Variants in CDK12 observed in about 807,000 individuals in gnomAD.
CDK12 encodes the protein cyclin-dependent kinase 12.
A neutral mutation model predicts 133.8 loss-of-function variants in CDK12; 17 were observed. The ratio of observed to expected loss-of-function variants is 0.13; its 90% CI spans 0.09 to 0.19. CDK12 has a LOEUF of 0.19. Ranked by LOEUF, CDK12 falls within the 10% of genes least tolerant of loss-of-function variation. The probability of loss-of-function intolerance (pLI) is 1.00; values close to 1 mark genes in which losing one functional copy is unlikely to be tolerated. For missense variants in CDK12, 1,508 were observed against 1,818.7 expected (o/e 0.83, Z 3.11); for synonymous variants, 694 against 683.6 (o/e 1.02, Z -0.24).
downstream of CDK12, among the ~76,000 whole-genome samples, chr17:39,536,816 CTCTAAGTGGGTAGT>C (rs2055154401): frequency 6.6e-6 from 1 of 152,198 alleles, no homozygotes; most frequent in East Asian, 1.9e-4. Context: ...CTTTCATACC[CTCTAAGTGGGTAGT>C]TTGTTAGTGG....
At chr17:39,544,330 G>T, upstream of CDK12, 2 of 489,596 alleles carry the variant, frequency 4.1e-6, no homozygotes, top group South Asian at 1.5e-5. Flanking sequence ...GGCAAATTCA[G>T]TCTCTTTCAC....
At chr17:39,561,554 G>A (rs1446596712) in intron 3 of CDK12, among the ~76,000 whole-genome samples, 1 of 152,206 alleles carries the variant, frequency 6.6e-6, no homozygotes, top group Admixed American at 6.5e-5. Flanking sequence ...GGCACTGGTT[G>A]AAGCTGACAG....
At chr17:39,538,534 G>A (rs1256962629), downstream of CDK12, among the ~76,000 whole-genome samples, 4 of 152,206 alleles carry the variant, frequency 2.6e-5, no homozygotes, top group Admixed American at 6.5e-5. Flanking sequence ...TGTGTCAGGC[G>A]CTGCCTAAGT....
rs2054845464 is a variant in CDK12 at position 39,531,519 on chromosome 17, G to A, written c.*203G>A. On this transcript the variant is annotated 3_prime_UTR_variant, in exon 14 of 14. Coordinates refer to ENST00000447079, the MANE Select transcript of CDK12 (RefSeq NM_016507.4). ...TGTTGGCACCAGTTCCCCCTGGATG[G>A]GCTATAGCCAGAACATTTACTTCAA... 1.6e-5 allele frequency: 7 copies of A among 432,890 alleles called. No individual in the cohort carries two copies. The Admixed American group carries it at 2.3e-4, about 15-fold the overall frequency. 26.8% of individuals were successfully genotyped at this position (432,890 alleles called of 1,614,324 possible).
At chr17:39,562,824 C>G (rs1315478344) in intron 3 of CDK12, among the ~76,000 whole-genome samples, 1 of 151,010 alleles carries the variant, frequency 6.6e-6, no homozygotes, top group Non-Finnish European at 1.5e-5. Context: ...CTCTCAACTT[C>G]AACGCATTTT....
At chr17:39,557,689 T>C (rs1167533248) in intron 3 of CDK12, among the ~76,000 whole-genome samples, 1 of 152,250 alleles carries the variant, frequency 6.6e-6, no homozygotes, top group African/African-American at 2.4e-5. Context: ...TTTTTGTGTC[T>C]ACCTAAGAGG....
chr17:39,490,769 T>A, intron 3 of CDK12, 36 bp downstream of exon 3: 1 of 1,494,176 alleles, frequency 6.7e-7, no homozygotes. Context: ...TCATGATAGT[T>A]TTCTCCCTTC....
At chr17:39,540,856 G>A (rs1419301986) in intron 1 of CDK12, among the ~76,000 whole-genome samples, 1 of 152,202 alleles carries the variant, frequency 6.6e-6, no homozygotes, top group African/African-American at 2.4e-5. Context: ...AGTCCTCTCT[G>A]TTTCAAAAAC....
rs200114122 is a variant in CDK12 at position 39,481,728 on chromosome 17, C to CT, written c.1932-8817dup. Among the ~76,000 whole-genome samples the CT allele has an allele frequency of 2.6e-3, 202 of 78,170 alleles. 32 individuals are homozygous for CT. Among genetic ancestry groups the CT allele is most frequent in the African/African-American group, 6.4e-3 (104 of 16,322 alleles). The allele number at this position is 78,170 out of a possible 152,430, so 51.3% of individuals were successfully genotyped here. On this transcript the variant is annotated intron_variant, in intron 2 of 13. Coordinates refer to ENST00000447079, the MANE Select transcript of CDK12 (RefSeq NM_016507.4). ...TCTCTCTCTTTCTCTTTTCTTTTTT[C>CT]TTTTTTTTTTTTGACAAAGTCTCAT...
At position 39,540,782 on chromosome 17, in the gene CDK12, C is replaced by T. The variant is rs544548369; in HGVS notation, c.451-3467C>T. Among the ~76,000 whole-genome samples the T allele has an allele frequency of 6.6e-5, 10 of 152,116 alleles. No individual in the cohort carries two copies. The East Asian group carries it at 1.5e-3, about 24-fold the overall frequency. The stretch of plus-strand genomic sequence containing the variant: ...GCGGGGGACTCTTTAGTGCGGCAGG[C>T]GGGGGTCTTCCCGAATGAGCCCATT... On this transcript the variant is annotated intron_variant and NMD_transcript_variant, in intron 1 of 4. Coordinates refer to the CDK12 transcript ENST00000559663.
chr17:39,510,273 C>T (rs1403167732), intron 7 of CDK12, among the ~76,000 whole-genome samples: 1 of 151,884 alleles, frequency 6.6e-6, no homozygotes, highest in African/African-American at 2.4e-5. Context: ...GTGCCCGCCA[C>T]TACGCCCAGC....
At chr17:39,516,951 C>T (rs557371327) in intron 9 of CDK12, among the ~76,000 whole-genome samples, 8 of 152,284 alleles carry the variant, frequency 5.3e-5, no homozygotes, top group African/African-American at 1.9e-4. Flanking sequence ...GCGTGAGCCA[C>T]CGTGCCCGGC....
At position 39,501,272 on chromosome 17, in the gene CDK12, G is replaced by A; in HGVS notation, c.2442G>A (p.Glu814=). ...KDKGAFYLVF[E]YMDHDLMGLL... ...TAGGTGCCTTTTACCTTGTATTTGA[G>A]TATATGGACCATGACTTAATGGGAC... is the stretch of plus-strand genomic sequence containing the variant. The change falls in exon 6 of 14, where the codon GAG becomes GAA. Residue 814 remains glutamate (E), a synonymous_variant. Coordinates refer to ENST00000447079, the MANE Select transcript of CDK12 (RefSeq NM_016507.4). 1 of 1,601,240 alleles carries A rather than the reference G, an allele frequency of 6.2e-7. No homozygotes were observed. Among genetic ancestry groups the A allele is most frequent in the Non-Finnish European group, 8.5e-7 (1 of 1,175,846 alleles).
intron 7 of CDK12, among the ~76,000 whole-genome samples, chr17:39,510,116 T>TC (rs2053396932): frequency 7.6e-6 from 1 of 131,536 alleles, no homozygotes; most frequent in African/African-American, 3.4e-5. Context: ...ATCTCTCTCT[T>TC]TTTTTTTTTT....
At chr17:39,489,580 CTG>C (rs1006492096) in intron 2 of CDK12, among the ~76,000 whole-genome samples, 9 of 150,708 alleles carry the variant, frequency 6.0e-5, no homozygotes, top group African/African-American at 2.2e-4. Context: ...TCTTGGCTCA[CTG>C]GAACGATTCA....
chr17:39,493,828 C>G (rs1305759115), intron 4 of CDK12, among the ~76,000 whole-genome samples: 1 of 151,872 alleles, frequency 6.6e-6, no homozygotes, highest in Non-Finnish European at 1.5e-5. Flanking sequence ...AACCCCGTTT[C>G]TACTAAAAAT....
At chr17:39,505,498 C>T in intron 6 of CDK12, among the ~76,000 whole-genome samples, 1 of 125,670 alleles carries the variant, frequency 8.0e-6, no homozygotes, top group East Asian at 2.3e-4. Context: ...GCACTCCAGC[C>T]TGGTGACAGA....
At chr17:39,504,468 T>G (rs1222544521) in intron 6 of CDK12, among the ~76,000 whole-genome samples, 1 of 152,130 alleles carries the variant, frequency 6.6e-6, no homozygotes, top group African/African-American at 2.4e-5. Flanking sequence ...AATTAAAAGG[T>G]CAGTAGTGAT....
chr17:39,518,071 A>G (rs1281672847), intron 10 of CDK12, among the ~76,000 whole-genome samples: 1 of 149,008 alleles, frequency 6.7e-6, no homozygotes, highest in Non-Finnish European at 1.5e-5. Context: ...TCTGCCCCCC[A>G]AGTTCAAGTG....
Sources: gnomAD v4.1 joint callset for allele counts (sites outside exome capture counted in the v4.1 genomes callset) on GRCh38, gnomAD v4.1.1 for gene constraint, MANE v1.5 for transcripts, NCBI Gene and HGNC (gene_info 2026-07-23, HGNC 2026-07-21) for gene names.